Variants in CTNNA2 observed in about 807,000 individuals in gnomAD.
The protein encoded by CTNNA2 is catenin alpha 2.
A neutral mutation model predicts 101.0 loss-of-function variants in CTNNA2; 42 were observed. The observed-to-expected ratio is 0.42, with a 90% CI of 0.32 to 0.54. The LOEUF (loss-of-function observed/expected upper bound fraction) is 0.54, where lower values mean the gene tolerates loss of function less well. Ranked by LOEUF, CTNNA2 falls within the 20% of genes least tolerant of loss-of-function variation. The pLI is 0.14. For synonymous variants in CTNNA2, 450 were observed against 456.4 expected, an observed-to-expected ratio of 0.99 and a Z score of 0.18; for missense variants, 871 against 1,223.1, an observed-to-expected ratio of 0.71 and a Z score of 4.29.
At chr2:79,310,953 G>A (rs906604284) in intron 2 of CTNNA2, among the ~76,000 whole-genome samples, 4 of 152,288 alleles carry the variant, frequency 2.6e-5, no homozygotes, top group Admixed American at 1.3e-4. Context: ...AACATTAGGT[G>A]ATTTACACCT....
Position 80,419,443 on chromosome 2 carries a change from C to A in CTNNA2, c.1138-6C>A, listed in dbSNP as rs773219963. 3 of 1,595,458 alleles carry A rather than the reference C, an allele frequency of 1.9e-6. No homozygotes were observed. Among genetic ancestry groups the A allele is most frequent in the Admixed American group, 3.4e-5 (2 of 58,444 alleles). On this transcript the variant is annotated splice_region_variant and splice_polypyrimidine_tract_variant and intron_variant, in intron 8 of 18. Transcript: ENST00000402739. ...ATGTCATTTTTTGTTTTTGTTTCAACTGTAGCTTCGGAAAGCAGTGATGGA... is the reference window on the plus strand; with the variant it reads ...ATGTCATTTTTTGTTTTTGTTTCAAATGTAGCTTCGGAAAGCAGTGATGGA...
intron 3 of CTNNA2, among the ~76,000 whole-genome samples, chr2:79,333,568 A>T (rs1676925682): frequency 6.6e-6 from 1 of 152,180 alleles, no homozygotes. Flanking sequence ...TCCAGCCAAC[A>T]TTTATTCCTG....
intron 7 of CTNNA2, among the ~76,000 whole-genome samples, chr2:80,259,920 G>A (rs1672469588): frequency 6.6e-6 from 1 of 152,142 alleles, no homozygotes. Context: ...AAAATTAAAA[G>A]GTGTGTTTTA....
At chr2:79,335,289 A>G (rs939487620) in intron 3 of CTNNA2, among the ~76,000 whole-genome samples, 1 of 152,220 alleles carries the variant, frequency 6.6e-6, no homozygotes, top group African/African-American at 2.4e-5. Flanking sequence ...AGAACTGGAA[A>G]GAACCATGTA....
In CTNNA2 at chr2:79,189,101, G is replaced by A. The variant is rs145503990; in HGVS notation, c.-524+3670G>A. Among the ~76,000 whole-genome samples the A allele has an allele frequency of 1.4e-3, 210 of 152,284 alleles. 1 individual carries two copies. Among genetic ancestry groups the A allele is most frequent in the African/African-American group, 4.8e-3 (198 of 41,560 alleles). On this transcript the variant is annotated intron_variant, in intron 1 of 21. Coordinates refer to the CTNNA2 transcript ENST00000466387. ...TTCTGAGAAACTCAAGCATCAAGAT[G>A]CTGGTTAGACCCACGTTGGCACACA...
At chr2:79,914,293 T>A (rs1213043517) in intron 7 of CTNNA2, among the ~76,000 whole-genome samples, 1 of 151,862 alleles carries the variant, frequency 6.6e-6, no homozygotes, top group Admixed American at 6.6e-5. Context: ...TCACCAAAAA[T>A]GTCTAAGTAT....
chr2:79,905,618 G>A (rs1327418957), intron 6 of CTNNA2, among the ~76,000 whole-genome samples: 2 of 152,104 alleles, frequency 1.3e-5, no homozygotes, highest in East Asian at 3.9e-4. Flanking sequence ...TGATGATGAT[G>A]ATGATGATGG....
chr2:79,536,954 C>T (rs1027982312), intron 1 of CTNNA2, among the ~76,000 whole-genome samples: 4 of 152,080 alleles, frequency 2.6e-5, no homozygotes, highest in South Asian at 2.1e-4. Context: ...CGCCCACCTC[C>T]GCCTCCCCAT....
intron 4 of CTNNA2, among the ~76,000 whole-genome samples, chr2:79,409,616 G>A (rs1374841267): frequency 6.7e-6 from 1 of 150,058 alleles, no homozygotes; most frequent in Non-Finnish European, 1.5e-5. Flanking sequence ...TTGTAGATAT[G>A]CGGCATTATT....
At chr2:80,385,488 A>C (rs1676913450) in intron 7 of CTNNA2, among the ~76,000 whole-genome samples, 1 of 152,298 alleles carries the variant, frequency 6.6e-6, no homozygotes, top group African/African-American at 2.4e-5. Context: ...GTGAGAAATA[A>C]ATTTCCTGTT....
At chr2:79,626,195 C>T (rs1262218480) in intron 1 of CTNNA2, among the ~76,000 whole-genome samples, 1 of 152,142 alleles carries the variant, frequency 6.6e-6, no homozygotes, top group Non-Finnish European at 1.5e-5. Context: ...CAGCAAGTGG[C>T]CTTCTGAGGT....
chr2:79,948,697 G>A lies in CTNNA2; in HGVS notation c.1056+38900G>A, dbSNP rs376528727. Among the ~76,000 whole-genome samples, 64 of 152,264 alleles carry A rather than the reference G, an allele frequency of 4.2e-4. No homozygotes were observed. In the East Asian group the frequency reaches 4.8e-3, roughly 11 times the overall value. On this transcript the variant is annotated intron_variant, in intron 7 of 18. Coordinates refer to ENST00000402739, the MANE Select transcript of CTNNA2 (RefSeq NM_001282597.3). ...TTAAATTTCACCTGTTGCTGGGTGC[G>A]GTGGCTCACGCCTGTAATCTCAGCA...
In CTNNA2 at chr2:79,851,698, ATCCT is replaced by A. The variant is rs549369690; in HGVS notation, c.299-6313_299-6310del. Among the ~76,000 whole-genome samples the A allele has an allele frequency of 5.7e-3, 448 of 78,710 alleles. 5 individuals carry two copies. Among genetic ancestry groups the A allele is most frequent in the African/African-American group, 0.023 (414 of 17,936 alleles). 51.6% of individuals were successfully genotyped at this position (78,710 alleles called of 152,430 possible). On this transcript the variant is annotated intron_variant, in intron 3 of 18. Coordinates refer to ENST00000402739, the MANE Select transcript of CTNNA2 (RefSeq NM_001282597.3). ...ATTGGAAATTTTTGCCCTTTTTCTC[ATCCT>A]TTTTTTTCTTTTTCTTTTTCATTTT...
At chr2:79,497,516 A>G (rs1671271342) in intron 4 of CTNNA2, among the ~76,000 whole-genome samples, 1 of 152,280 alleles carries the variant, frequency 6.6e-6, no homozygotes, top group South Asian at 2.1e-4. Context: ...TGCTCTGTAC[A>G]GCGTAATGTT....
intron 9 of CTNNA2, among the ~76,000 whole-genome samples, chr2:80,486,371 C>G (rs537063326): frequency 6.6e-6 from 1 of 152,158 alleles, no homozygotes; most frequent in African/African-American, 2.4e-5. Flanking sequence ...ATTCACAAAC[C>G]CTGTGACTTC....
chr2:80,407,855 T>C (rs948936074), intron 8 of CTNNA2, among the ~76,000 whole-genome samples: 2 of 152,076 alleles, frequency 1.3e-5, no homozygotes, highest in Non-Finnish European at 2.9e-5. Flanking sequence ...AGACAGGAAG[T>C]AAAAAGTATT....
rs1674461533 is a variant in CTNNA2 at position 79,229,372 on chromosome 2, C to T, written c.-406+31296C>T. On this transcript the variant is annotated intron_variant, in intron 2 of 21. Transcript: ENST00000466387. ...GGGCAGGTCTTTCCCGTGCTATTCT[C>T]GTGATGGTGAATAAATCTCATGACA... Among the ~76,000 whole-genome samples the T allele has an allele frequency of 2.6e-5, 4 of 152,240 alleles. No individual in the cohort carries two copies. In the South Asian group the frequency reaches 8.3e-4, roughly 32 times the overall value.
intron 12 of CTNNA2, among the ~76,000 whole-genome samples, chr2:80,558,766 T>G (rs1693286792): frequency 6.6e-6 from 1 of 152,012 alleles, no homozygotes; most frequent in Non-Finnish European, 1.5e-5. Flanking sequence ...AGAGGAAAGA[T>G]GAGGAGAAAG....
At chr2:79,622,635 A>G (rs190874386) in intron 1 of CTNNA2, among the ~76,000 whole-genome samples, 2 of 152,318 alleles carry the variant, frequency 1.3e-5, no homozygotes, top group Admixed American at 1.3e-4. Context: ...CAACACAGGC[A>G]GAGTTCAACA....
Sources: gnomAD v4.1 joint callset for allele counts (sites outside exome capture counted in the v4.1 genomes callset) on GRCh38, gnomAD v4.1.1 for gene constraint, MANE v1.5 for transcripts, NCBI Gene and HGNC (gene_info 2026-07-23, HGNC 2026-07-21) for gene names.